The following RGS12 variants were observed in gnomAD, a reference collection of about 807,000 sequenced individuals.
The protein encoded by RGS12 is regulator of G protein signaling 12.
A neutral mutation model predicts 120.1 loss-of-function variants in RGS12; 66 were observed. That is an observed-to-expected ratio of 0.55 (90% CI 0.45 to 0.67). RGS12 has a LOEUF of 0.67. RGS12 is among the 30% of genes least tolerant of loss of function. The pLI is 0.00. For synonymous variants in RGS12, 827 were observed against 804.7 expected, an observed-to-expected ratio of 1.03 and a Z score of -0.47; for missense variants, 1,859 against 1,957.7, an observed-to-expected ratio of 0.95 and a Z score of 0.95.
intron 1 of RGS12, among the ~76,000 whole-genome samples, chr4:3,311,902 G>A (rs1166580264): frequency 1.3e-5 from 2 of 152,184 alleles, no homozygotes; most frequent in East Asian, 3.8e-4. Flanking sequence ...CGGCGAGTGG[G>A]GACCTTCGTG....
At chr4:3,318,137 C>A in intron 2 of RGS12, 86 bp downstream of exon 2, 1 of 1,263,474 alleles carries the variant, frequency 7.9e-7, no homozygotes, top group Non-Finnish European at 1.1e-6. Context: ...CACCAGCTTG[C>A]ACAGTCCTGG....
intron 3 of RGS12, among the ~76,000 whole-genome samples, chr4:3,379,135 C>T (rs142442652): frequency 6.6e-6 from 1 of 152,150 alleles, no homozygotes; most frequent in African/African-American, 2.4e-5. Flanking sequence ...TGTGTGGCTT[C>T]ACTTACATGT....
chr4:3,336,480 C>A (rs1422859396), intron 2 of RGS12, among the ~76,000 whole-genome samples: 2 of 152,202 alleles, frequency 1.3e-5, no homozygotes, highest in Non-Finnish European at 2.9e-5. Context: ...GAAATACCTT[C>A]GGATGATCTG....
rs541669301 is a variant in RGS12, at chr4:3,430,873, G to C, written c.4032G>C (p.Gly1344=). The C allele has an allele frequency of 1.2e-6, 2 of 1,612,310 alleles. No homozygotes were observed. The highest frequency in any genetic ancestry group is 2.7e-5 in the African/African-American group (2 of 74,924). Reference sequence around the variant, plus strand: ...ACGTGGCCGAGCTGACCCTGATGGGGGAGGGGGACATCAGCAGCCCCAACA... The same window carrying C: ...ACGTGGCCGAGCTGACCCTGATGGGCGAGGGGGACATCAGCAGCCCCAACA... ...DEHVAELTLM[G]EGDISSPNST... Residue 1344 remains glycine (G), a synonymous_variant, in exon 17 of 18, where the codon GGG becomes GGC. Coordinates refer to ENST00000336727, the MANE Select transcript of RGS12 (RefSeq NM_001394154.1).
At chr4:3,407,929 T>G (rs1721335630) in intron 4 of RGS12, among the ~76,000 whole-genome samples, 1 of 152,232 alleles carries the variant, frequency 6.6e-6, no homozygotes, top group South Asian at 2.1e-4. Flanking sequence ...GACTTTAAAC[T>G]CTTTTTCACC....
chr4:3,356,165 GGCCTCAGCCCCCTCATA>G (rs1398362298), intron 3 of RGS12, among the ~76,000 whole-genome samples: 4 of 149,198 alleles, frequency 2.7e-5, no homozygotes, highest in Non-Finnish European at 5.9e-5. Context: ...GCGATCCTTT[GGCCTCAGCCCCCTCATA>G]TAGCTGGGAG....
At chr4:3,436,748 C>T (rs915604796) in intron 17 of RGS12, among the ~76,000 whole-genome samples, 2 of 152,116 alleles carry the variant, frequency 1.3e-5, no homozygotes, top group Non-Finnish European at 2.9e-5. Flanking sequence ...TGGGGGCGAC[C>T]GGCAGCCGGT....
chr4:3,317,099 G>A lies in RGS12; in HGVS notation c.929G>A (p.Arg310Gln), dbSNP rs1359603118. ...AGCGCCGTGTGCCCGGACGACCGGC[G>A]ATTTTTCGGGTTGGTTACCATGCAG... ...AFSAVCPDDRRFFGLVTMQTN... is the reference protein window; with the variant it reads ...AFSAVCPDDRQFFGLVTMQTN... Residue 310 changes from arginine to glutamine, a missense_variant, in exon 2 of 18, where the codon CGA becomes CAA. Around this residue, in one of 3 missense-constraint regions of RGS12, gnomAD observed 967 missense variants for 994.2 expected, o/e 0.97. Coordinates refer to ENST00000336727, the MANE Select transcript of RGS12 (RefSeq NM_001394154.1). The A allele has an allele frequency of 4.3e-6, 7 of 1,613,796 alleles. No homozygotes were observed. Among genetic ancestry groups the A allele is most frequent in the African/African-American group, 1.3e-5 (1 of 75,082 alleles).
In RGS12 at chr4:3,316,258, G is replaced by T; in HGVS notation, c.88G>T (p.Ala30Ser). The change falls in exon 2 of 18, where the codon GCC becomes TCC. Residue 30 changes from alanine to serine, a missense_variant. Transcript: ENST00000336727. ...GAGTGTGGAGGTTGCCCGGGGGAGG[G>T]CCGGCTACGGATTCACGCTTTCGGG... ...VRSVEVARGR[A>S]GYGFTLSGQA... is the part of the protein sequence containing the mutation. 1.2e-6 allele frequency: 2 copies of T among 1,613,620 alleles called. No homozygotes were observed. The highest frequency in any genetic ancestry group is 1.7e-6 in the Non-Finnish European group (2 of 1,179,708).
intron 16 of RGS12, among the ~76,000 whole-genome samples, chr4:3,429,773 G>A (rs998950414): frequency 6.6e-6 from 1 of 152,200 alleles, no homozygotes; most frequent in Non-Finnish European, 1.5e-5. Flanking sequence ...GCCCCTCGGG[G>A]CTGTGGAGCT....
chr4:3,398,084 A>G (rs1720224840), intron 4 of RGS12, among the ~76,000 whole-genome samples: 2 of 152,236 alleles, frequency 1.3e-5, no homozygotes, highest in East Asian at 1.9e-4. Flanking sequence ...TGTGAAGTAC[A>G]TCGGACAATA....
Position 3,390,590 on chromosome 4 carries a change from G to A in RGS12, c.2020+4153G>A, listed in dbSNP as rs767388288. On this transcript the variant is annotated intron_variant, in intron 4 of 17. Transcript: ENST00000336727. The surrounding 1 kb of genome is among the most constrained non-coding windows in gnomAD (Gnocchi z 4.6). ...GCCGCCTCCTCCTGGGCTGCTCTGC[G>A]CGCCTGCCAGGCTCTTCCAGTGCCT... is the stretch of plus-strand genomic sequence containing the variant. 3.3e-5 allele frequency among the ~76,000 whole-genome samples: 5 copies of A among 152,226 alleles called. No individual in the cohort carries two copies.
intron 2 of RGS12, among the ~76,000 whole-genome samples, chr4:3,325,767 A>G (rs1444929707): frequency 2.0e-5 from 3 of 152,212 alleles, no homozygotes; most frequent in South Asian, 2.1e-4. Flanking sequence ...CCTATTGAAC[A>G]TAGATTACAA....
chr4:3,287,119 C>T, the RGS12 span, among the ~76,000 whole-genome samples: 1 of 152,336 alleles, frequency 6.6e-6, no homozygotes, highest in African/African-American at 2.4e-5. Context: ...TGAGCGCTAC[C>T]TGCTCACTGA....
the RGS12 span, among the ~76,000 whole-genome samples, chr4:3,287,280 T>C: frequency 6.6e-6 from 1 of 152,218 alleles, no homozygotes; most frequent in Non-Finnish European, 1.5e-5. Context: ...CTTTCTGATT[T>C]ATTTCACGTT....
At chr4:3,357,069 G>A (rs563597883) in intron 3 of RGS12, among the ~76,000 whole-genome samples, 1 of 152,248 alleles carries the variant, frequency 6.6e-6, no homozygotes, top group African/African-American at 2.4e-5. Context: ...TTTGATAGTA[G>A]TCATCCTAGT....
At position 3,317,932 on chromosome 4, in the gene RGS12, G is replaced by T; in HGVS notation, c.1762G>T (p.Gly588Cys). The change falls in exon 2 of 18, where the codon GGC becomes TGC. Residue 588 changes from glycine (G) to cysteine (C), a missense_variant. Physicochemically the swap from Gly to Cys is radical, Grantham distance 159. Transcript: ENST00000336727. ...KIPADRYRVE[G>C]SFAQPPLNAP... ...CCCCGCAGACCGCTACAGGGTGGAG[G>T]GCAGCTTCGCGCAGCCCCCGCTGAA... 6.2e-7 allele frequency: 1 copy of T among 1,614,184 alleles called. No individual in the cohort carries two copies. The highest frequency in any genetic ancestry group is 8.5e-7 in the Non-Finnish European group (1 of 1,180,032).
intron 2 of RGS12, among the ~76,000 whole-genome samples, chr4:3,321,595 C>T (rs939207671): frequency 2.0e-5 from 3 of 152,334 alleles, no homozygotes; most frequent in South Asian, 2.1e-4. Context: ...TTCAGCACCC[C>T]CAAGGGCATC....
chr4:3,347,611 T>G (rs970627018), intron 3 of RGS12, among the ~76,000 whole-genome samples: 1 of 152,254 alleles, frequency 6.6e-6, no homozygotes, highest in East Asian at 1.9e-4. Flanking sequence ...CAAATTCATC[T>G]GTTTCCTTAT....
Sources: allele counts gnomAD v4.1 joint callset (sites outside exome capture counted in the v4.1 genomes callset), GRCh38; gene constraint gnomAD v4.1.1; regional missense constraint gnomAD v4.1.1; non-coding constraint Gnocchi (gnomAD v3.1); transcripts MANE v1.5; gene names NCBI Gene and HGNC (gene_info 2026-07-23, HGNC 2026-07-21).